The following SUMF1 variants were observed in gnomAD, a reference collection of about 807,000 sequenced individuals.
SUMF1 encodes sulfatase modifying factor 1.
Under a neutral mutation model 47.6 loss-of-function variants are expected in SUMF1, and 48 were observed. The ratio of observed to expected loss-of-function variants is 1.01; its 90% CI spans 0.80 to 1.28. SUMF1 has a LOEUF of 1.28. Ranked by LOEUF, SUMF1 falls within the 50% of genes most tolerant of loss-of-function variation. SUMF1 has a pLI of 0.00. For missense variants in SUMF1, 571 were observed against 485.4 expected, an observed-to-expected ratio of 1.18 and a Z score of -1.66; for synonymous variants, 230 against 192.1, an observed-to-expected ratio of 1.20 and a Z score of -1.63.
chr3:4,047,391 C>T (rs962600532), intron 9 of SUMF1, among the ~76,000 whole-genome samples: 6 of 152,100 alleles, frequency 3.9e-5, no homozygotes, highest in Non-Finnish European at 8.8e-5. Context: ...CCCTTATTTT[C>T]TCCATTTTCA....
intron 8 of SUMF1, among the ~76,000 whole-genome samples, chr3:4,238,522 G>A (rs928269876): frequency 8.5e-5 from 13 of 152,152 alleles, no homozygotes; most frequent in African/African-American, 3.1e-4. Flanking sequence ...TTTCTCTAAC[G>A]ACCAGTGACG....
chr3:4,271,518 GATAC>G (rs1385044870), intron 8 of SUMF1, among the ~76,000 whole-genome samples: 8 of 121,672 alleles, frequency 6.6e-5, no homozygotes, highest in African/African-American at 1.7e-4. Context: ...TAGATAGATA[GATAC>G]AGAGAGGATC....
chr3:4,233,470 A>AGAT (rs1483927449), intron 8 of SUMF1, among the ~76,000 whole-genome samples: 1 of 152,160 alleles, frequency 6.6e-6, no homozygotes, highest in Non-Finnish European at 1.5e-5. Flanking sequence ...TAGTCAACTT[A>AGAT]GATGCTTTCA....
rs112551137 is a variant in SUMF1 at position 4,157,546 on chromosome 3, A to G, written c.1015-88801T>C. Among the ~76,000 whole-genome samples the G allele has an allele frequency of 2.2e-4, 34 of 151,664 alleles. 2 individuals are homozygous for G. The highest frequency in any genetic ancestry group is 8.0e-4 in the African/African-American group (33 of 41,012). Reference sequence around the variant, plus strand: ...TTTACCCTCAGGATCACTTTCTCAGAATCACATATCACTGGAAGGGCAAGA... The same window carrying G: ...TTTACCCTCAGGATCACTTTCTCAGGATCACATATCACTGGAAGGGCAAGA... On this transcript the variant is annotated intron_variant and NMD_transcript_variant, in intron 8 of 12. Transcript: ENST00000448413.
At chr3:4,453,892 C>A (rs1703064705) in intron 1 of SUMF1, among the ~76,000 whole-genome samples, 1 of 152,108 alleles carries the variant, frequency 6.6e-6, no homozygotes, top group Non-Finnish European at 1.5e-5. Flanking sequence ...TGGTCTGCAA[C>A]TCCTGCGCTC....
At chr3:4,203,888 C>T (rs1396502964) in intron 8 of SUMF1, among the ~76,000 whole-genome samples, 1 of 151,832 alleles carries the variant, frequency 6.6e-6, no homozygotes, top group Non-Finnish European at 1.5e-5. Context: ...AATTTAATTT[C>T]AACCCCCTGC....
At chr3:4,313,516 T>C (rs1419055967) in intron 8 of SUMF1, 1 of 1,614,036 alleles carries the variant, frequency 6.2e-7, no homozygotes, top group Admixed American at 1.7e-5. Context: ...AGAAGAACTC[T>C]CTTATGATTA....
At chr3:4,294,744 TC>T (rs1697812127) in intron 8 of SUMF1, among the ~76,000 whole-genome samples, 1 of 152,002 alleles carries the variant, frequency 6.6e-6, no homozygotes, top group Non-Finnish European at 1.5e-5. Context: ...TTTTTTTCAC[TC>T]CCGAGAATAC....
At chr3:4,399,143 T>G (rs1701128867) in intron 7 of SUMF1, among the ~76,000 whole-genome samples, 1 of 152,162 alleles carries the variant, frequency 6.6e-6, no homozygotes, top group African/African-American at 2.4e-5. Flanking sequence ...TTCGAGCTCT[T>G]CAGGGGAGAA....
At chr3:4,199,547 G>A (rs748504940) in intron 8 of SUMF1, among the ~76,000 whole-genome samples, 5 of 152,032 alleles carry the variant, frequency 3.3e-5, no homozygotes, top group East Asian at 1.9e-4. Context: ...GGAAACTGGC[G>A]GGTAATTTTT....
At chr3:4,448,409 C>G (rs967230742) in intron 3 of SUMF1, among the ~76,000 whole-genome samples, 1 of 150,104 alleles carries the variant, frequency 6.7e-6, no homozygotes, top group Non-Finnish European at 1.5e-5. Context: ...TGGATTCCTT[C>G]GTCTTCAATG....
chr3:4,302,798 G>A lies in SUMF1; in HGVS notation c.1014+73532C>T, dbSNP rs78159508. 6.5e-3 allele frequency among the ~76,000 whole-genome samples: 996 copies of A among 152,278 alleles called. 32 individuals carry two copies. Among genetic ancestry groups the A allele is most frequent in the East Asian group, 0.046 (238 of 5,170 alleles). ...TTGAGGCTATCAGAATCCTTTGGCA[G>A]GGCAGGGGTTTGGAGGGGTGAGGGT... On this transcript the variant is annotated intron_variant and NMD_transcript_variant, in intron 8 of 12. Coordinates refer to the SUMF1 transcript ENST00000448413.
At chr3:4,309,841 C>G (rs544146069) in intron 8 of SUMF1, among the ~76,000 whole-genome samples, 1 of 152,184 alleles carries the variant, frequency 6.6e-6, no homozygotes, top group Non-Finnish European at 1.5e-5. Context: ...CTTTCAGATA[C>G]AATTATACTT....
At chr3:4,307,232 T>C (rs974075975) in intron 8 of SUMF1, among the ~76,000 whole-genome samples, 3 of 152,242 alleles carry the variant, frequency 2.0e-5, no homozygotes, top group Non-Finnish European at 4.4e-5. Flanking sequence ...GTACGGAATG[T>C]GATTCAGAAA....
chr3:4,423,184 G>A (rs1701958679), intron 3 of SUMF1, among the ~76,000 whole-genome samples: 2 of 151,792 alleles, frequency 1.3e-5, no homozygotes, highest in African/African-American at 2.4e-5. Flanking sequence ...AAAGATACTT[G>A]CACACACATG....
At chr3:4,345,609 C>T (rs1170969691) in intron 8 of SUMF1, among the ~76,000 whole-genome samples, 11 of 152,058 alleles carry the variant, frequency 7.2e-5, no homozygotes, top group Admixed American at 2.0e-4. Context: ...AATGACACTA[C>T]GAAGAAACTG....
chr3:4,180,560 G>C (rs963944530), intron 8 of SUMF1, among the ~76,000 whole-genome samples: 4 of 151,934 alleles, frequency 2.6e-5, no homozygotes, highest in Non-Finnish European at 5.9e-5. Flanking sequence ...GGGGGCTGGG[G>C]GAGGGATAGC....
At chr3:4,061,210 C>G (rs951876604) in intron 9 of SUMF1, among the ~76,000 whole-genome samples, 3 of 152,130 alleles carry the variant, frequency 2.0e-5, no homozygotes, top group African/African-American at 7.2e-5. Flanking sequence ...TTTATGGTTT[C>G]TTTTGAATAA....
At chr3:4,321,802 C>CA (rs1698841930) in intron 8 of SUMF1, among the ~76,000 whole-genome samples, 1 of 152,040 alleles carries the variant, frequency 6.6e-6, no homozygotes, top group Non-Finnish European at 1.5e-5. Flanking sequence ...ATAGTGACTT[C>CA]CTCCCAAAGA....
Sources: gnomAD v4.1 joint callset for allele counts (sites outside exome capture counted in the v4.1 genomes callset) on GRCh38, gnomAD v4.1.1 for gene constraint, MANE v1.5 for transcripts, NCBI Gene and HGNC (gene_info 2026-07-23, HGNC 2026-07-21) for gene names.